GRIK1: variants seen among roughly 807,000 people sequenced by gnomAD.
The protein encoded by GRIK1 is glutamate ionotropic receptor kainate type subunit 1, also known as glutamate receptor ionotropic, kainate 1.
Under a neutral mutation model 105.7 loss-of-function variants are expected in GRIK1, and 69 were observed. The ratio of observed to expected loss-of-function variants is 0.65; its 90% CI spans 0.54 to 0.80. GRIK1 has a LOEUF of 0.80. GRIK1 is among the 30% of genes least tolerant of loss of function. GRIK1 has a pLI of 0.00. For missense variants in GRIK1, 1,109 were observed against 1,167.3 expected, an observed-to-expected ratio of 0.95 and a Z score of 0.73; for synonymous variants, 438 against 431.3, an observed-to-expected ratio of 1.02 and a Z score of -0.19.
chr21:29,711,150 C>T (rs2064039614), intron 1 of GRIK1, among the ~76,000 whole-genome samples: 1 of 152,050 alleles, frequency 6.6e-6, no homozygotes, highest in African/African-American at 2.4e-5. Context: ...GAACATCAAG[C>T]ATATTCATTT....
chr21:29,614,630 C>T (rs1744094404), intron 7 of GRIK1, among the ~76,000 whole-genome samples: 2 of 151,310 alleles, frequency 1.3e-5, no homozygotes, highest in South Asian at 2.1e-4. Context: ...TCAGGCTGGT[C>T]TCAAACTCTC....
intron 1 of GRIK1, among the ~76,000 whole-genome samples, chr21:29,837,761 A>C (rs911622510): frequency 6.6e-6 from 1 of 152,174 alleles, no homozygotes; most frequent in South Asian, 2.1e-4. Flanking sequence ...AATATAAAAA[A>C]CTTACCGTTT....
chr21:29,756,516 T>A (rs1310136462), intron 1 of GRIK1, among the ~76,000 whole-genome samples: 2 of 152,028 alleles, frequency 1.3e-5, no homozygotes, highest in East Asian at 3.9e-4. Flanking sequence ...CACGTTACAG[T>A]GAGGAGCTCC....
intron 1 of GRIK1, among the ~76,000 whole-genome samples, chr21:29,857,404 A>T (rs903774469): frequency 6.6e-6 from 1 of 152,238 alleles, no homozygotes; most frequent in Admixed American, 6.5e-5. Context: ...TTACATAGCT[A>T]CACGCCAAGT....
intron 7 of GRIK1, among the ~76,000 whole-genome samples, chr21:29,630,012 G>A (rs2062228676): frequency 6.6e-6 from 1 of 152,118 alleles, no homozygotes. Context: ...TCCTTGCCTG[G>A]GCATCGGGAA....
At chr21:29,644,835 T>C (rs752671828) in intron 6 of GRIK1, among the ~76,000 whole-genome samples, 1 of 152,216 alleles carries the variant, frequency 6.6e-6, no homozygotes, top group African/African-American at 2.4e-5. Context: ...CTGACATTTA[T>C]TGAGCACTTA....
chr21:29,878,618 G>A (rs767998957), intron 1 of GRIK1, among the ~76,000 whole-genome samples: 4 of 152,086 alleles, frequency 2.6e-5, no homozygotes, highest in African/African-American at 7.2e-5. Context: ...ATTATTAGGA[G>A]GTGGGGTCTC....
chr21:29,630,545 A>C (rs2062244207), intron 7 of GRIK1: 2 of 471,634 alleles, frequency 4.2e-6, no homozygotes, highest in Non-Finnish European at 8.8e-6. Context: ...TAAGGGAACA[A>C]GCTGCCAATA....
chr21:29,863,929 C>T (rs1219024454), intron 1 of GRIK1, among the ~76,000 whole-genome samples: 1 of 152,040 alleles, frequency 6.6e-6, no homozygotes, highest in African/African-American at 2.4e-5. Flanking sequence ...TCGGTTTTTT[C>T]CCTTGGAGTC....
chr21:29,537,670 A>G, intron 17 of GRIK1, 128 bp downstream of exon 17: 1 of 763,162 alleles, frequency 1.3e-6, no homozygotes. Context: ...CAAAATAGAT[A>G]ACTTACCTTT....
chr21:29,745,725 G>C (rs2065032362), intron 1 of GRIK1, among the ~76,000 whole-genome samples: 1 of 152,186 alleles, frequency 6.6e-6, no homozygotes, highest in African/African-American at 2.4e-5. Flanking sequence ...GTTATGAAAT[G>C]AAAAGTGGGT....
intron 1 of GRIK1, among the ~76,000 whole-genome samples, chr21:29,794,491 T>G (rs2066503764): frequency 6.6e-6 from 1 of 152,190 alleles, no homozygotes; most frequent in African/African-American, 2.4e-5. Flanking sequence ...GCTATTATAG[T>G]TCTATAATTG....
At chr21:29,882,186 G>T (rs1375808515) in intron 1 of GRIK1, among the ~76,000 whole-genome samples, 1 of 152,052 alleles carries the variant, frequency 6.6e-6, no homozygotes, top group Non-Finnish European at 1.5e-5. Context: ...ACTTTTGGGT[G>T]GTTTTACTGT....
chr21:29,609,220 G>T (rs1260575946), intron 7 of GRIK1, among the ~76,000 whole-genome samples: 1 of 151,684 alleles, frequency 6.6e-6, no homozygotes, highest in African/African-American at 2.4e-5. Context: ...TTCTCTTCCT[G>T]ATCTCTTTAA....
intron 13 of GRIK1, among the ~76,000 whole-genome samples, chr21:29,580,144 T>C (rs1232397576): frequency 6.9e-6 from 1 of 144,212 alleles, no homozygotes; most frequent in Non-Finnish European, 1.5e-5. Context: ...TATATATACA[T>C]ATATATATAC....
intron 5 of GRIK1, 105 bp downstream of exon 5, chr21:29,654,705 C>A: frequency 1.3e-6 from 1 of 748,558 alleles, no homozygotes; most frequent in Admixed American, 1.8e-5. Context: ...TAAGGCAAGT[C>A]TCCATGACAA....
intron 1 of GRIK1, among the ~76,000 whole-genome samples, chr21:29,824,047 G>A (rs751416451): frequency 2.0e-5 from 3 of 151,888 alleles, no homozygotes; most frequent in Non-Finnish European, 2.9e-5. Flanking sequence ...ACAGAATCAG[G>A]GGAATTGCAA....
intron 1 of GRIK1, among the ~76,000 whole-genome samples, chr21:29,731,644 T>G (rs754759253): frequency 9.9e-5 from 15 of 152,204 alleles, no homozygotes; most frequent in Non-Finnish European, 2.2e-4. Flanking sequence ...AATTGAGATG[T>G]CTGTGGTGTT....
At chr21:29,920,753 T>G (rs2071164676) in intron 1 of GRIK1, among the ~76,000 whole-genome samples, 1 of 152,054 alleles carries the variant, frequency 6.6e-6, no homozygotes, top group South Asian at 2.1e-4. Flanking sequence ...TACATGATTT[T>G]GTAACTTGCT....
Sources: gnomAD v4.1 joint callset for allele counts (sites outside exome capture counted in the v4.1 genomes callset) on GRCh38, gnomAD v4.1.1 for gene constraint, MANE v1.5 for transcripts, NCBI Gene and HGNC (gene_info 2026-07-23, HGNC 2026-07-21) for gene names.